MMP28: variants seen among roughly 807,000 people sequenced by gnomAD.
MMP28 encodes the protein matrix metalloproteinase-28.
MMP28 carries 55 observed loss-of-function variants against 60.5 expected under a neutral mutation model. The observed-to-expected ratio is 0.91, with a 90% confidence interval of 0.73 to 1.14. The LOEUF (loss-of-function observed/expected upper bound fraction) is 1.14. Among genes scored for constraint, MMP28 ranks in the 50% most tolerant of loss-of-function variants. MMP28 has a pLI of 0.00. For missense variants in MMP28, 686 were observed against 738.3 expected (o/e 0.93, Z 0.82); for synonymous variants, 318 against 312.5 (o/e 1.02, Z -0.18).
At chr17:35,777,410 A>T (rs981634515) in intron 3 of MMP28, among the ~76,000 whole-genome samples, 2 of 152,246 alleles carry the variant, frequency 1.3e-5, no homozygotes, top group African/African-American at 4.8e-5. Context: ...GCAAGCAGTC[A>T]GTACTGAGGA....
intron 1 of MMP28, among the ~76,000 whole-genome samples, chr17:35,786,784 C>A (rs1408923020): frequency 6.6e-6 from 1 of 151,306 alleles, no homozygotes; most frequent in Non-Finnish European, 1.5e-5. Flanking sequence ...TAGTCAGGAG[C>A]ACAATAAGCC....
intron 1 of MMP28, among the ~76,000 whole-genome samples, chr17:35,784,392 A>G (rs2086590587): frequency 6.6e-6 from 1 of 152,218 alleles, no homozygotes; most frequent in Non-Finnish European, 1.5e-5. Context: ...TAAAACACAT[A>G]CAGGAAGGGG....
chr17:35,777,930 A>G lies in MMP28; in HGVS notation c.379+958T>C, dbSNP rs2086381508. Among the ~76,000 whole-genome samples the G allele has an allele frequency of 2.6e-5, 4 of 152,200 alleles. No homozygotes were observed. The South Asian group carries it at 8.3e-4, about 32-fold the overall frequency. ...GTAGTCCCAGCTACTTGTGAGGCTG[A>G]GGCAGGAGAATCGCTTGAACCCAGG... On this transcript the variant is annotated intron_variant, in intron 3 of 7. Transcript: ENST00000605424.
downstream of MMP28, chr17:35,761,058 C>A (rs2085807304): frequency 1.5e-6 from 2 of 1,295,776 alleles, no homozygotes; most frequent in Non-Finnish European, 2.1e-6. Flanking sequence ...TCTCAGTTAC[C>A]CATCCATGTA....
downstream of MMP28, chr17:35,763,931 AATAAATAC>A (rs782645614): frequency 3.2e-5 from 33 of 1,042,318 alleles, 1 homozygote; most frequent in Non-Finnish European, 5.0e-6. Flanking sequence ...TAAATAAATA[AATAAATAC>A]ATGAAAAATT....
intron 1 of MMP28, among the ~76,000 whole-genome samples, chr17:35,780,076 AT>A (rs898629840): frequency 6.6e-6 from 1 of 151,564 alleles, no homozygotes; most frequent in Non-Finnish European, 1.5e-5. Context: ...TATTTTATTT[AT>A]TTTTTTCTGA....
chr17:35,791,520 T>C (rs1488784265), intron 1 of MMP28, among the ~76,000 whole-genome samples: 1 of 152,002 alleles, frequency 6.6e-6, no homozygotes, highest in African/African-American at 2.4e-5. Flanking sequence ...TAAAGTCCAA[T>C]TTATGATGTT....
chr17:35,776,055 T>C (rs1213854652), intron 3 of MMP28, among the ~76,000 whole-genome samples: 2 of 151,948 alleles, frequency 1.3e-5, no homozygotes, highest in African/African-American at 4.8e-5. Context: ...TTTGTACTTT[T>C]AGTAGAGATG....
chr17:35,781,487 AG>A (rs2086500474), intron 1 of MMP28, among the ~76,000 whole-genome samples: 3 of 152,316 alleles, frequency 2.0e-5, no homozygotes, highest in Middle Eastern at 3.4e-3. Flanking sequence ...AGAACATCTC[AG>A]GGTCCAGGTA....
chr17:35,766,506 C>T lies in MMP28; in HGVS notation c.1557G>A (p.Leu519=). The part of the protein sequence containing the change: ...GCWHANSGSA[L]F ...CTGAGGTGAGGAGGTGCCTTCAGAA[C>T]AGGGCGCTCCCCGAGTTGGCATGCC... The change falls in exon 8 of 8, where the codon CTG becomes CTA. Residue 519 remains leucine (L), a synonymous_variant. Transcript: ENST00000605424. This position sits in a 1 kb window ranked among gnomAD's most constrained non-coding sequence, Gnocchi z 4.3. The T allele has an allele frequency of 6.3e-7, 1 of 1,588,886 alleles. No individual in the cohort carries two copies. The highest frequency in any genetic ancestry group is 8.6e-7 in the Non-Finnish European group (1 of 1,167,138).
At chr17:35,780,760 G>A (rs2086474296) in intron 1 of MMP28, among the ~76,000 whole-genome samples, 1 of 151,914 alleles carries the variant, frequency 6.6e-6, no homozygotes, top group African/African-American at 2.4e-5. Context: ...ACTTGAACCT[G>A]GGAGGCAGAG....
chr17:35,772,948 G>A (rs1175137885), intron 4 of MMP28, among the ~76,000 whole-genome samples: 1 of 152,204 alleles, frequency 6.6e-6, no homozygotes, highest in Non-Finnish European at 1.5e-5. Context: ...TTGAGAATTT[G>A]CAAAGCACTT....
intron 1 of MMP28, among the ~76,000 whole-genome samples, chr17:35,788,132 C>T (rs1253771157): frequency 6.6e-6 from 1 of 151,904 alleles, no homozygotes; most frequent in Non-Finnish European, 1.5e-5. Context: ...TCTCAAACTC[C>T]TGGCCTCAAA....
chr17:35,764,160 T>C, downstream of MMP28: 1 of 1,548,340 alleles, frequency 6.5e-7, no homozygotes, highest in Non-Finnish European at 8.7e-7. Flanking sequence ...CCGCCGCGGG[T>C]AGCGGAGGAG....
At chr17:35,779,364 T>C (rs76932667) in intron 1 of MMP28, 41 bp from the exon 2 acceptor site, 31,757 of 1,549,404 alleles carry the variant, frequency 0.02, 373 homozygotes, top group South Asian at 0.027. Flanking sequence ...ATAGCATCCT[T>C]TCCCCTCCCT....
chr17:35,763,928 A>ATAAAT (rs2085877473), downstream of MMP28: 1 of 1,015,924 alleles, frequency 9.8e-7, no homozygotes. Context: ...AAATAAATAA[A>ATAAAT]TAAATAAATA....
At chr17:35,788,714 C>T (rs888720281) in intron 1 of MMP28, among the ~76,000 whole-genome samples, 2 of 152,242 alleles carry the variant, frequency 1.3e-5, no homozygotes, top group South Asian at 2.1e-4. Context: ...CTATCCAGCT[C>T]CTGGTACTGG....
chr17:35,768,725 G>A (rs1303741785), intron 5 of MMP28, among the ~76,000 whole-genome samples: 1 of 152,266 alleles, frequency 6.6e-6, no homozygotes, highest in Admixed American at 6.5e-5. Flanking sequence ...CAGGAGAACC[G>A]CTTGAATCCG....
At chr17:35,794,858 C>T (rs893623258) in intron 1 of MMP28, among the ~76,000 whole-genome samples, 5 of 152,196 alleles carry the variant, frequency 3.3e-5, no homozygotes, top group Non-Finnish European at 7.3e-5. Flanking sequence ...CGCTGTGTCC[C>T]GCGTCCCGGC....
Sources: allele counts gnomAD v4.1 joint callset (sites outside exome capture counted in the v4.1 genomes callset), GRCh38; gene constraint gnomAD v4.1.1; non-coding constraint Gnocchi (gnomAD v3.1); transcripts MANE v1.5; gene names NCBI Gene and HGNC (gene_info 2026-07-23, HGNC 2026-07-21).